ASTL: variants seen among roughly 807,000 people sequenced by gnomAD.
The protein encoded by ASTL is astacin-like metalloendopeptidase.
Under a neutral mutation model 36.7 loss-of-function variants are expected in ASTL, and 27 were observed. The observed-to-expected ratio is 0.73, with a 90% confidence interval of 0.54 to 1.01. ASTL has a LOEUF of 1.01. Ranked by LOEUF, ASTL falls within the 50% of genes least tolerant of loss-of-function variation. The pLI, the probability that ASTL is intolerant of heterozygous loss-of-function variation, is 0.00. For missense variants in ASTL, 524 were observed against 572.8 expected, an observed-to-expected ratio of 0.91 and a Z score of 0.87; for synonymous variants, 222 against 228.1, an observed-to-expected ratio of 0.97 and a Z score of 0.24.
In ASTL at chr2:96,129,697, G is replaced by A; in HGVS notation, c.874+127C>T. ...TCAAGTGCTTGTTCTGCGTCGTTGT[G>A]GCAAGCCCCCGTGATCTCACCCTGC... On this transcript the variant is annotated intron_variant, in intron 8 of 8. Coordinates refer to ENST00000342380, the MANE Select transcript of ASTL (RefSeq NM_001002036.4). 3 of 856,778 alleles carry A rather than the reference G, an allele frequency of 3.5e-6. No homozygotes were observed. The South Asian group carries it at 7.7e-5, about 22-fold the overall frequency. The allele number at this position is 856,778 out of a possible 1,614,324, so 53.1% of individuals were successfully genotyped here. A position where few individuals can be genotyped will look rare whatever the true frequency, so the allele number is the denominator to read the frequency against.
chr2:96,133,624 A>G (rs1433334942), intron 4 of ASTL, 82 bp from the exon 5 acceptor site: 6 of 1,017,144 alleles, frequency 5.9e-6, no homozygotes, highest in South Asian at 1.3e-5. Flanking sequence ...AGAGCTCTGA[A>G]CTCACTCTCC....
intron 8 of ASTL, among the ~76,000 whole-genome samples, chr2:96,126,282 T>G (rs938282277): frequency 6.6e-6 from 1 of 152,226 alleles, no homozygotes; most frequent in East Asian, 1.9e-4. Context: ...GAGGGACATG[T>G]GTCTAGAATA....
Position 96,124,709 on chromosome 2 carries a change from T to C in ASTL, c.875-438A>G, listed in dbSNP as rs532918272. ...ACCCTGCACCGTGCCAGGAGGTAGGTTGGGGCTTCCTTGTTCTTCACTGTC... is the reference window on the plus strand; with the variant it reads ...ACCCTGCACCGTGCCAGGAGGTAGGCTGGGGCTTCCTTGTTCTTCACTGTC... On this transcript the variant is annotated intron_variant, in intron 8 of 8. Coordinates refer to ENST00000342380, the MANE Select transcript of ASTL (RefSeq NM_001002036.4). This position sits in a 1 kb window ranked among gnomAD's most constrained non-coding sequence, Gnocchi z 4.1. Among the ~76,000 whole-genome samples, 8 of 152,144 alleles carry C rather than the reference T, an allele frequency of 5.3e-5. No individual in the cohort carries two copies. Among genetic ancestry groups the C allele is most frequent in the African/African-American group, 1.9e-4 (8 of 41,418 alleles).
At chr2:96,134,805 G>A (rs569131625) in intron 3 of ASTL, among the ~76,000 whole-genome samples, 66 of 152,290 alleles carry the variant, frequency 4.3e-4, no homozygotes, top group South Asian at 8.3e-4. Flanking sequence ...TCTGCCATTC[G>A]CAGTTGCCTG....
rs1682005027 is a variant in ASTL at position 96,123,784 on chromosome 2, G to T, written c.*66C>A. ...CAGTGGTGTGGCCCAAAGGAGCCAA[G>T]AGGTAGACGACCCAGCTCCACTGGG... On this transcript the variant is annotated 3_prime_UTR_variant, in exon 9 of 9. Coordinates refer to ENST00000342380, the MANE Select transcript of ASTL (RefSeq NM_001002036.4). 2 of 1,404,122 alleles carry T rather than the reference G, an allele frequency of 1.4e-6. No individual in the cohort carries two copies. Among genetic ancestry groups the T allele is most frequent in the Non-Finnish European group, 2.0e-6 (2 of 1,012,646 alleles). 87.0% of individuals were successfully genotyped at this position (1,404,122 alleles called of 1,614,324 possible). A position where few individuals can be genotyped will look rare whatever the true frequency, so the allele number is the denominator to read the frequency against.
At position 96,137,703 on chromosome 2, in the gene ASTL, G is replaced by T; in HGVS notation, c.56-3C>A. The T allele has an allele frequency of 6.2e-7, 1 of 1,611,290 alleles. No homozygotes were observed. The highest frequency in any genetic ancestry group is 8.5e-7 in the Non-Finnish European group (1 of 1,178,864). On this transcript the variant is annotated splice_polypyrimidine_tract_variant and splice_region_variant and intron_variant, in intron 1 of 8. Coordinates refer to ENST00000342380, the MANE Select transcript of ASTL (RefSeq NM_001002036.4). ...CAGGGGCGCTCCTAGGATCACACCT[G>T]GTCCAGACAGACAGGGGCATACACA...
At chr2:96,138,066 A>G (rs1399002063) in intron 1 of ASTL, among the ~76,000 whole-genome samples, 1 of 152,138 alleles carries the variant, frequency 6.6e-6, no homozygotes, top group Non-Finnish European at 1.5e-5. Flanking sequence ...AGGCTCTTGG[A>G]CAATGGGCTC....
At position 96,124,022 on chromosome 2, in the gene ASTL, C is replaced by G. The variant is rs754689379; in HGVS notation, c.1124G>C (p.Gly375Ala). The change falls in exon 9 of 9, where the codon GGA becomes GCA. Residue 375 changes from glycine to alanine, a missense_variant. Physicochemically the swap from Gly to Ala is moderately conservative, Grantham distance 60. Coordinates refer to ENST00000342380, the MANE Select transcript of ASTL (RefSeq NM_001002036.4). The surrounding 1 kb of genome is among the most constrained non-coding windows in gnomAD (Gnocchi z 4.1). ...TLASSPRSRP[G>A]AGAPGVAQEQ... is the part of the protein sequence containing the mutation. ...CTGAGCAACACCGGGGGCACCTGCT[C>G]CAGGCCTTGATCTTGGGGAGGAAGC... 4 of 1,614,008 alleles carry G rather than the reference C, an allele frequency of 2.5e-6. No individual in the cohort carries two copies. The South Asian group carries it at 4.4e-5, about 18-fold the overall frequency.
rs1427382918 is a variant in ASTL, at chr2:96,122,965, T to C, written c.*885A>G. Among the ~76,000 whole-genome samples the C allele has an allele frequency of 6.6e-6, 1 of 152,236 alleles. No individual in the cohort carries two copies. The highest frequency in any genetic ancestry group is 2.4e-5 in the African/African-American group (1 of 41,472). On this transcript the variant is annotated 3_prime_UTR_variant, in exon 9 of 9. Coordinates refer to ENST00000342380, the MANE Select transcript of ASTL (RefSeq NM_001002036.4). ...GGGCCTCTGGCCTAGGCCCACTCATTGGCACCCTGGATGCTTTCTTCATGC... is the reference window on the plus strand; with the variant it reads ...GGGCCTCTGGCCTAGGCCCACTCATCGGCACCCTGGATGCTTTCTTCATGC...
At chr2:96,127,306 A>C (rs1413130128) in intron 8 of ASTL, among the ~76,000 whole-genome samples, 1 of 152,216 alleles carries the variant, frequency 6.6e-6, no homozygotes, top group South Asian at 2.1e-4. Context: ...GTCAGGGGTT[A>C]TGTACACTTC....
intron 6 of ASTL, among the ~76,000 whole-genome samples, chr2:96,130,978 G>C (rs1421194806): frequency 1.3e-5 from 2 of 152,076 alleles, no homozygotes; most frequent in Non-Finnish European, 2.9e-5. Flanking sequence ...GTTAATTACT[G>C]TTATTAATGT....
Position 96,124,239 on chromosome 2 carries a change from CG to C in ASTL, c.906del (p.Ala303LeufsTer49). On this transcript the variant is annotated frameshift_variant, in exon 9 of 9. Transcript: ENST00000342380. LOFTEE classifies it low-confidence loss of function (END_TRUNC). The surrounding 1 kb of genome is among the most constrained non-coding windows in gnomAD (Gnocchi z 4.1). ...CGCTGCAGAGATAGGGAGGCCGGAGCGGGGCTCCTACCAGTGCTGTGGGCAT... is the reference window on the plus strand; with the variant it reads ...CGCTGCAGAGATAGGGAGGCCGGAGCGGGCTCCTACCAGTGCTGTGGGCAT... ...GSHAHSTGRS[P>X]APASLSLQRL... is the part of the protein sequence containing the mutation. The C allele has an allele frequency of 6.6e-7, 1 of 1,514,798 alleles. No individual in the cohort carries two copies. The highest frequency in any genetic ancestry group is 8.8e-7 in the Non-Finnish European group (1 of 1,133,120). The allele number at this position is 1,514,798 out of a possible 1,614,324, so 93.8% of individuals were successfully genotyped here.
intron 2 of ASTL, among the ~76,000 whole-genome samples, chr2:96,136,143 G>A (rs1195647457): frequency 6.6e-6 from 1 of 152,248 alleles, no homozygotes; most frequent in Non-Finnish European, 1.5e-5. Flanking sequence ...AGTGAGGGAA[G>A]CAGGAGAGAA....
At chr2:96,130,027 TG>T in intron 7 of ASTL, 36 bp downstream of exon 7, 1 of 1,613,500 alleles carries the variant, frequency 6.2e-7, no homozygotes, top group South Asian at 1.1e-5. Context: ...CGGGAGAGGC[TG>T]GGGGAAGCAG....
Position 96,132,828 on chromosome 2 carries a change from C to A in ASTL, c.456-107G>T. The stretch of plus-strand genomic sequence containing the variant: ...CAACACAAGATAGACAAACTCCCAA[C>A]AGGCAGGCCCCACTCTGGGCTCTAG... On this transcript the variant is annotated intron_variant, in intron 5 of 8. Coordinates refer to ENST00000342380, the MANE Select transcript of ASTL (RefSeq NM_001002036.4). The surrounding 1 kb of genome is among the most constrained non-coding windows in gnomAD (Gnocchi z 5.4). The A allele has an allele frequency of 9.8e-7, 1 of 1,015,382 alleles. No individual in the cohort carries two copies. The highest frequency in any genetic ancestry group is 1.4e-6 in the Non-Finnish European group (1 of 710,556). 62.9% of individuals were successfully genotyped at this position (1,015,382 alleles called of 1,614,324 possible). A position where few individuals can be genotyped will look rare whatever the true frequency, so the allele number is the denominator to read the frequency against.
At chr2:96,133,569 C>G in intron 4 of ASTL, 27 bp from the exon 5 acceptor site, 1 of 1,542,530 alleles carries the variant, frequency 6.5e-7, no homozygotes, top group Non-Finnish European at 9.0e-7. Flanking sequence ...GGCTGAGCCC[C>G]CAGAGCCCTG....
intron 8 of ASTL, among the ~76,000 whole-genome samples, chr2:96,129,421 C>G (rs570998972): frequency 6.6e-6 from 1 of 152,062 alleles, no homozygotes; most frequent in Non-Finnish European, 1.5e-5. Context: ...CTATTATGAA[C>G]GATTTTTTTG....
chr2:96,135,719 G>A (rs1367665494), intron 2 of ASTL, among the ~76,000 whole-genome samples: 1 of 152,040 alleles, frequency 6.6e-6, no homozygotes, highest in East Asian at 1.9e-4. Flanking sequence ...TCTCCTGACT[G>A]TGGAGCTAGA....
At chr2:96,125,522 C>G (rs1682047958) in intron 8 of ASTL, among the ~76,000 whole-genome samples, 1 of 152,174 alleles carries the variant, frequency 6.6e-6, no homozygotes, top group Non-Finnish European at 1.5e-5. Flanking sequence ...CCCCTCTCCT[C>G]CAGCAGGTCA....
Sources: gnomAD v4.1 joint callset for allele counts (sites outside exome capture counted in the v4.1 genomes callset) on GRCh38, gnomAD v4.1.1 for gene constraint, Gnocchi (gnomAD v3.1) non-coding constraint, MANE v1.5 for transcripts, NCBI Gene and HGNC (gene_info 2026-07-23, HGNC 2026-07-21) for gene names.